Variants in COMMD1 observed in about 807,000 individuals in gnomAD.
The protein encoded by COMMD1 is copper metabolism domain containing 1.
A neutral mutation model predicts 17.2 loss-of-function variants in COMMD1; 10 were observed. The ratio of observed to expected loss-of-function variants is 0.58; its 90% CI spans 0.36 to 0.99. COMMD1 has a LOEUF of 0.99. COMMD1 is among the 50% of genes least tolerant of loss of function. COMMD1 has a pLI of 0.01. For synonymous variants in COMMD1, 97 were observed against 91.6 expected (o/e 1.06, Z -0.34); for missense variants, 270 against 231.8 (o/e 1.17, Z -1.07).
At chr2:62,000,075 A>G (rs1231416082) in intron 1 of COMMD1, among the ~76,000 whole-genome samples, 1 of 151,708 alleles carries the variant, frequency 6.6e-6, no homozygotes, top group African/African-American at 2.4e-5. Flanking sequence ...GGTGTGCGCA[A>G]CTACACCCGG....
intron 1 of COMMD1, among the ~76,000 whole-genome samples, chr2:61,961,283 T>C (rs1038071045): frequency 1.3e-5 from 2 of 152,194 alleles, no homozygotes; most frequent in African/African-American, 4.8e-5. Flanking sequence ...CCAGTTTCCA[T>C]TGGCTGGAAT....
intron 1 of COMMD1, among the ~76,000 whole-genome samples, chr2:61,926,251 G>T (rs1486999955): frequency 3.3e-5 from 5 of 152,168 alleles, no homozygotes; most frequent in Admixed American, 3.3e-4. Context: ...GATTACAGGT[G>T]TGAGCCACTG....
chr2:62,083,874 G>A (rs1573162416), intron 2 of COMMD1, among the ~76,000 whole-genome samples: 1 of 152,338 alleles, frequency 6.6e-6, no homozygotes, highest in South Asian at 2.1e-4. Flanking sequence ...AGTTCCTAGA[G>A]ACTAGAAGAA....
intron 2 of COMMD1, among the ~76,000 whole-genome samples, chr2:62,089,786 A>T (rs916711995): frequency 2.6e-5 from 4 of 152,314 alleles, no homozygotes; most frequent in Middle Eastern, 3.4e-3. Flanking sequence ...TTTGGGCAAG[A>T]TAAAAAAATG....
intron 1 of COMMD1, among the ~76,000 whole-genome samples, chr2:61,974,361 C>A (rs1194378080): frequency 1.3e-5 from 2 of 151,712 alleles, no homozygotes; most frequent in Non-Finnish European, 2.9e-5. Flanking sequence ...CTATGAAATT[C>A]ATGCATGTTT....
intron 1 of COMMD1, among the ~76,000 whole-genome samples, chr2:61,964,352 C>T (rs1671450316): frequency 6.6e-6 from 1 of 152,120 alleles, no homozygotes; most frequent in Non-Finnish European, 1.5e-5. Context: ...TCTCTAGTAA[C>T]TGGGACTACA....
intron 2 of COMMD1, among the ~76,000 whole-genome samples, chr2:62,081,301 G>C (rs1336422584): frequency 6.6e-6 from 1 of 151,308 alleles, no homozygotes; most frequent in Non-Finnish European, 1.5e-5. Flanking sequence ...GCCCAGGCTG[G>C]AGTGCAATGG....
chr2:62,055,491 C>T lies in COMMD1; in HGVS notation c.462+54509C>T, dbSNP rs751532184. On this transcript the variant is annotated intron_variant, in intron 2 of 2. Coordinates refer to ENST00000311832, the MANE Select transcript of COMMD1 (RefSeq NM_152516.4). Reference sequence around the variant, plus strand: ...CTCCAAGCCCACTTTGTATATGTGGCGACCGGCTATCCATTGAAGCCATGA... The same window carrying T: ...CTCCAAGCCCACTTTGTATATGTGGTGACCGGCTATCCATTGAAGCCATGA... 3.0e-4 allele frequency: 137 copies of T among 455,670 alleles called. 1 individual carries two copies. Among genetic ancestry groups the T allele is most frequent in the Non-Finnish European group, 5.8e-4 (131 of 226,676 alleles). 28.2% of individuals were successfully genotyped at this position (455,670 alleles called of 1,614,324 possible).
At chr2:62,042,986 A>G (rs557230883) in intron 2 of COMMD1, among the ~76,000 whole-genome samples, 3 of 152,364 alleles carry the variant, frequency 2.0e-5, no homozygotes, top group East Asian at 3.9e-4. Flanking sequence ...CGTTTTAAAC[A>G]GTTGAGAAGA....
intron 2 of COMMD1, among the ~76,000 whole-genome samples, chr2:62,135,263 A>C (rs1269202062): frequency 5.3e-5 from 8 of 152,220 alleles, no homozygotes; most frequent in Non-Finnish European, 8.8e-5. Flanking sequence ...TGAGATGACA[A>C]AGAGGAAGAG....
chr2:61,960,438 G>A (rs1427538169), intron 1 of COMMD1, among the ~76,000 whole-genome samples: 3 of 152,126 alleles, frequency 2.0e-5, no homozygotes, highest in Admixed American at 6.5e-5. Flanking sequence ...ACTTAATACA[G>A]TAGCTAAGGA....
At chr2:62,096,684 A>T (rs1016011258) in intron 2 of COMMD1, among the ~76,000 whole-genome samples, 5 of 152,246 alleles carry the variant, frequency 3.3e-5, no homozygotes, top group African/African-American at 9.6e-5. Context: ...AGGTCGTAAT[A>T]GCAGAGATTC....
At chr2:62,101,721 G>A (rs1435887035) in intron 2 of COMMD1, among the ~76,000 whole-genome samples, 1 of 152,086 alleles carries the variant, frequency 6.6e-6, no homozygotes, top group African/African-American at 2.4e-5. Context: ...ATGCTAGAAT[G>A]GCTCATGAAG....
chr2:61,940,383 G>A (rs550019442), intron 1 of COMMD1, among the ~76,000 whole-genome samples: 1 of 152,230 alleles, frequency 6.6e-6, no homozygotes, highest in South Asian at 2.1e-4. Flanking sequence ...CTTACATAAA[G>A]TCTGTGTAAA....
chr2:61,922,253 CT>C (rs1331890169), intron 1 of COMMD1, among the ~76,000 whole-genome samples: 1 of 152,164 alleles, frequency 6.6e-6, no homozygotes, highest in Admixed American at 6.6e-5. Context: ...GGACTTTTAC[CT>C]TGTTAATCTG....
At chr2:61,935,643 G>A (rs1278977261) in intron 1 of COMMD1, among the ~76,000 whole-genome samples, 1 of 150,486 alleles carries the variant, frequency 6.6e-6, no homozygotes, top group East Asian at 1.9e-4. Flanking sequence ...AAAAAAAAAA[G>A]GTAAAATTTC....
chr2:62,004,163 C>T (rs1669044041), intron 2 of COMMD1, among the ~76,000 whole-genome samples: 1 of 151,980 alleles, frequency 6.6e-6, no homozygotes. Flanking sequence ...AAAAGTGTGA[C>T]AATGATTGTA....
intron 2 of COMMD1, among the ~76,000 whole-genome samples, chr2:62,087,021 A>G (rs1671690444): frequency 6.6e-6 from 1 of 151,984 alleles, no homozygotes; most frequent in Non-Finnish European, 1.5e-5. Context: ...ACAGGGTTTC[A>G]CCATGTAGGC....
intron 1 of COMMD1, among the ~76,000 whole-genome samples, chr2:61,958,641 T>A (rs1671259967): frequency 6.6e-6 from 1 of 152,224 alleles, no homozygotes; most frequent in African/African-American, 2.4e-5. Flanking sequence ...ATGTAGACAA[T>A]TCTACCATAG....
Sources: gnomAD v4.1 joint callset for allele counts (sites outside exome capture counted in the v4.1 genomes callset) on GRCh38, gnomAD v4.1.1 for gene constraint, MANE v1.5 for transcripts, NCBI Gene and HGNC (gene_info 2026-07-23, HGNC 2026-07-21) for gene names.